The following CDH13 variants were observed in gnomAD, a reference collection of about 807,000 sequenced individuals.
The protein encoded by CDH13 is cadherin-13.
A neutral mutation model predicts 63.8 loss-of-function variants in CDH13; 24 were observed. That is an observed-to-expected ratio of 0.38 (90% CI 0.27 to 0.53). The LOEUF is 0.53. Among genes scored for constraint, CDH13 ranks in the 20% least tolerant of loss-of-function variants. The pLI, the probability that CDH13 is intolerant of heterozygous loss-of-function variation, is 0.85. For missense variants in CDH13, 1,049 were observed against 903.1 expected (o/e 1.16, Z -2.07); for synonymous variants, 503 against 355.3 (o/e 1.42, Z -4.67).
intron 5 of CDH13, among the ~76,000 whole-genome samples, chr16:83,329,727 T>A (rs929021129): frequency 2.6e-5 from 4 of 152,218 alleles, no homozygotes; most frequent in African/African-American, 7.2e-5. Context: ...TTTCTATTTC[T>A]GGAAATTTGA....
chr16:83,381,326 C>A (rs1188212961), intron 6 of CDH13, among the ~76,000 whole-genome samples: 1 of 152,086 alleles, frequency 6.6e-6, no homozygotes, highest in Non-Finnish European at 1.5e-5. Context: ...TTCCCTGCCC[C>A]TTCATGTCTT....
At chr16:83,580,448 T>TTCTCTCTCTCTCTCTCTC in intron 7 of CDH13, among the ~76,000 whole-genome samples, 1 of 76,428 alleles carries the variant, frequency 1.3e-5, no homozygotes, top group African/African-American at 4.9e-5. Flanking sequence ...TTCTGTTCAT[T>TTCTCTCTCTCTCTCTCTC]TCTCTCTCTC....
At chr16:83,191,972 A>G (rs1192548457) in intron 4 of CDH13, among the ~76,000 whole-genome samples, 1 of 152,130 alleles carries the variant, frequency 6.6e-6, no homozygotes, top group Non-Finnish European at 1.5e-5. Context: ...CAACTCAATG[A>G]TAAAAAGAGA....
chr16:82,918,976 C>T (rs1751086930), intron 2 of CDH13, among the ~76,000 whole-genome samples: 1 of 152,092 alleles, frequency 6.6e-6, no homozygotes, highest in Non-Finnish European at 1.5e-5. Flanking sequence ...GGCTTTATTG[C>T]TCATAAGGTT....
chr16:83,437,096 A>T lies in CDH13; in HGVS notation c.782-49381A>T, dbSNP rs569222961. On this transcript the variant is annotated intron_variant, in intron 6 of 13. Transcript: ENST00000567109. The stretch of plus-strand genomic sequence containing the variant: ...TTTGTTTGGGTTTTTTTTTCCCAGT[A>T]GTAGGCTGGAGTTCTTATGGATTTG... 1.6e-4 allele frequency among the ~76,000 whole-genome samples: 25 copies of T among 152,090 alleles called. No homozygotes were observed. The East Asian group carries it at 4.8e-3, about 29-fold the overall frequency.
intron 3 of CDH13, among the ~76,000 whole-genome samples, chr16:83,051,942 T>A (rs12447361): frequency 6.6e-6 from 1 of 152,072 alleles, no homozygotes; most frequent in African/African-American, 2.4e-5. Flanking sequence ...TAATTTTTTT[T>A]TTGTTGTTAA....
rs1910902894 is a variant in CDH13 at position 83,730,347 on chromosome 16, G to C, written c.1539-17761G>C. On this transcript the variant is annotated intron_variant, in intron 10 of 13. Transcript: ENST00000567109. ...GATGTTATTAACCTGGCATTCCCCA[G>C]TTTTGGAATGTGCTCCCTATAGCTA... is the stretch of plus-strand genomic sequence containing the variant. Among the ~76,000 whole-genome samples, 3 of 152,178 alleles carry C rather than the reference G, an allele frequency of 2.0e-5. No homozygotes were observed. In the South Asian group the frequency reaches 6.2e-4, roughly 32 times the overall value.
At chr16:83,529,319 A>C (rs1463123521) in intron 7 of CDH13, among the ~76,000 whole-genome samples, 1 of 152,148 alleles carries the variant, frequency 6.6e-6, no homozygotes, top group Non-Finnish European at 1.5e-5. Context: ...TTTTGCCCAG[A>C]AATTTTACTT....
At chr16:82,732,579 A>G (rs927336738) in intron 1 of CDH13, among the ~76,000 whole-genome samples, 6 of 152,330 alleles carry the variant, frequency 3.9e-5, no homozygotes, top group African/African-American at 1.4e-4. Context: ...TTTAAAAGAG[A>G]TTTATCCCTC....
intron 3 of CDH13, among the ~76,000 whole-genome samples, chr16:83,080,002 A>G (rs1383837468): frequency 6.6e-6 from 1 of 152,244 alleles, no homozygotes; most frequent in African/African-American, 2.4e-5. Flanking sequence ...GTTTGGACTA[A>G]TAAAAATGAC....
At chr16:82,871,196 T>C (rs2040331810) in intron 2 of CDH13, among the ~76,000 whole-genome samples, 1 of 152,190 alleles carries the variant, frequency 6.6e-6, no homozygotes, top group Non-Finnish European at 1.5e-5. Context: ...GATCAAAGAC[T>C]TTGAAATCTG....
chr16:83,109,999 A>G (rs538968744), intron 3 of CDH13, among the ~76,000 whole-genome samples: 35 of 152,320 alleles, frequency 2.3e-4, no homozygotes, highest in African/African-American at 7.9e-4. Context: ...TTTCATCCAA[A>G]GCGTATGTTT....
At chr16:83,636,040 C>CAGT (rs1383371604) in intron 8 of CDH13, among the ~76,000 whole-genome samples, 1 of 152,010 alleles carries the variant, frequency 6.6e-6, no homozygotes, top group Non-Finnish European at 1.5e-5. Context: ...ACAGTTGCTC[C>CAGT]AGTAGCCTTT....
chr16:83,181,156 A>G, intron 4 of CDH13: 2 of 722,420 alleles, frequency 2.8e-6, no homozygotes, highest in Non-Finnish European at 4.3e-6. Flanking sequence ...AGAAGTCATC[A>G]CATCTACTGA....
intron 2 of CDH13, among the ~76,000 whole-genome samples, chr16:83,030,640 T>TAAAAAAAAAAA (rs35207887): frequency 2.2e-5 from 2 of 92,898 alleles, no homozygotes; most frequent in Admixed American, 2.5e-4. Context: ...AAGACTCTGT[T>TAAAAAAAAAAA]AAAAAAAAAA....
intron 10 of CDH13, among the ~76,000 whole-genome samples, chr16:83,726,654 T>C (rs889609975): frequency 1.3e-5 from 2 of 152,004 alleles, no homozygotes; most frequent in African/African-American, 4.8e-5. Context: ...GCTAACACGG[T>C]GAAACCCCGT....
Position 82,663,099 on chromosome 16 carries a change from C to T in CDH13, c.45+35962C>T, listed in dbSNP as rs1384104292. Among the ~76,000 whole-genome samples the T allele has an allele frequency of 5.3e-5, 8 of 152,344 alleles. No homozygotes were observed. The South Asian group carries it at 8.3e-4, about 16-fold the overall frequency. ...GCCAGGGCAAGAAAATAGCCCTTAT[C>T]GCCAGAGACTGCGGATTGCAGGCTG... is the stretch of plus-strand genomic sequence containing the variant. On this transcript the variant is annotated intron_variant, in intron 1 of 13. Coordinates refer to ENST00000567109, the MANE Select transcript of CDH13 (RefSeq NM_001257.5).
intron 1 of CDH13, among the ~76,000 whole-genome samples, chr16:82,649,548 A>C (rs753190993): frequency 6.6e-6 from 1 of 152,214 alleles, no homozygotes; most frequent in South Asian, 2.1e-4. Context: ...AGTGGGCTTA[A>C]GCAGCATGGG....
chr16:83,465,049 T>C (rs1404786810), intron 6 of CDH13, among the ~76,000 whole-genome samples: 1 of 152,236 alleles, frequency 6.6e-6, no homozygotes, highest in Non-Finnish European at 1.5e-5. Context: ...CATTCATTTT[T>C]TCCACAAGCA....
Sources: gnomAD v4.1 joint callset for allele counts (sites outside exome capture counted in the v4.1 genomes callset) on GRCh38, gnomAD v4.1.1 for gene constraint, MANE v1.5 for transcripts, NCBI Gene and HGNC (gene_info 2026-07-23, HGNC 2026-07-21) for gene names.